The following JMJD1C variants were observed in gnomAD, a reference collection of about 807,000 sequenced individuals.
JMJD1C encodes the protein jumonji domain-containing protein 1C.
In JMJD1C, 31 loss-of-function variants were observed where a neutral mutation model predicts 245.3. That is an observed-to-expected ratio of 0.13 (90% confidence interval 0.09 to 0.17). The LOEUF (loss-of-function observed/expected upper bound fraction) is 0.17. Among genes scored for constraint, JMJD1C ranks in the 10% least tolerant of loss-of-function variants. The pLI is 1.00. For synonymous variants in JMJD1C, 1,057 were observed against 1,017.4 expected, an observed-to-expected ratio of 1.04 and a Z score of -0.74; for missense variants, 2,691 against 3,000.2, an observed-to-expected ratio of 0.90 and a Z score of 2.41.
chr10:63,326,543 C>T (rs969279186), intron 2 of JMJD1C, among the ~76,000 whole-genome samples: 5 of 151,872 alleles, frequency 3.3e-5, no homozygotes, highest in Non-Finnish European at 5.9e-5. Context: ...CTGGTGGAGG[C>T]GGAGAGGTGG....
chr10:63,216,697 G>T (rs985502772), intron 5 of JMJD1C, among the ~76,000 whole-genome samples: 1 of 151,622 alleles, frequency 6.6e-6, no homozygotes, highest in African/African-American at 2.4e-5. Context: ...GCGACAGAGC[G>T]AGACTCCAGC....
At chr10:63,483,371 G>A (rs1033580662) in intron 1 of JMJD1C, among the ~76,000 whole-genome samples, 2 of 152,128 alleles carry the variant, frequency 1.3e-5, no homozygotes, top group African/African-American at 4.8e-5. Context: ...CTTAGCCTTC[G>A]CACTAGTAAC....
chr10:63,239,361 G>A (rs1021764105), intron 3 of JMJD1C, among the ~76,000 whole-genome samples: 7 of 152,096 alleles, frequency 4.6e-5, no homozygotes, highest in African/African-American at 1.7e-4. Flanking sequence ...AGAAGGGACA[G>A]ATTAAGCAAA....
At chr10:63,464,097 A>G (rs932341658) in intron 1 of JMJD1C, among the ~76,000 whole-genome samples, 1 of 152,220 alleles carries the variant, frequency 6.6e-6, no homozygotes, top group African/African-American at 2.4e-5. Flanking sequence ...CACAAACAAA[A>G]ATAGTTACTG....
intron 3 of JMJD1C, among the ~76,000 whole-genome samples, chr10:63,245,288 T>C (rs965132898): frequency 6.6e-5 from 10 of 152,018 alleles, no homozygotes; most frequent in African/African-American, 2.4e-4. Flanking sequence ...GGCTGTATTA[T>C]TAGTCTGTTT....
At chr10:63,196,851 CA>C (rs1845514664) in intron 13 of JMJD1C, among the ~76,000 whole-genome samples, 2 of 152,158 alleles carry the variant, frequency 1.3e-5, no homozygotes, top group Admixed American at 1.3e-4. Flanking sequence ...GGCTGGAGTG[CA>C]ATGGGGCAAT....
intron 2 of JMJD1C, among the ~76,000 whole-genome samples, chr10:63,322,419 G>A (rs1469149131): frequency 2.6e-5 from 4 of 152,154 alleles, no homozygotes; most frequent in Non-Finnish European, 5.9e-5. Context: ...TTAGGTGGAA[G>A]GGACTCAGTA....
intron 3 of JMJD1C, among the ~76,000 whole-genome samples, chr10:63,261,571 A>G (rs918081892): frequency 1.7e-4 from 26 of 152,322 alleles, no homozygotes; most frequent in African/African-American, 3.8e-4. Flanking sequence ...ACAGAAAAAA[A>G]AAGAAGAAGA....
Position 63,207,137 on chromosome 10 carries a change from G to C in JMJD1C, c.4532C>G (p.Thr1511Arg), listed in dbSNP as rs762772056. 4.6e-5 allele frequency: 75 copies of C among 1,614,064 alleles called. No homozygotes were observed. The highest frequency in any genetic ancestry group is 1.3e-4 in the Admixed American group (8 of 59,998). ...ETEPNAIKNQ[T>R]LSASLPLDST... ...ATCCAGAGGAAGGGAGGCTGAAAGT[G>C]TCTGATTTTTTATAGCATTAGGTTC... Residue 1511 changes from threonine to arginine, a missense_variant, in exon 10 of 26, where the codon ACA (threonine) becomes AGA (arginine). Around this residue, in one of 9 missense-constraint regions of JMJD1C, gnomAD observed 1,562 missense variants for 1,490.7 expected, o/e 1.05. Coordinates refer to ENST00000399262, the MANE Select transcript of JMJD1C (RefSeq NM_032776.3).
intron 2 of JMJD1C, among the ~76,000 whole-genome samples, chr10:63,272,852 T>G (rs1856460455): frequency 6.6e-6 from 1 of 152,344 alleles, no homozygotes; most frequent in South Asian, 2.1e-4. Flanking sequence ...CTACACTATA[T>G]GATATAGACT....
chr10:63,506,665 G>C (rs1329748097), intron 1 of JMJD1C, among the ~76,000 whole-genome samples: 3 of 152,022 alleles, frequency 2.0e-5, no homozygotes, highest in African/African-American at 7.3e-5. Context: ...AAAGTACAGA[G>C]TTCCCATTTA....
At chr10:63,433,174 C>T (rs1439988032) in intron 1 of JMJD1C, among the ~76,000 whole-genome samples, 1 of 151,930 alleles carries the variant, frequency 6.6e-6, no homozygotes, top group East Asian at 1.9e-4. Flanking sequence ...TCACCACAAC[C>T]TCTGCCTCCC....
At chr10:63,395,023 A>C (rs1329665916) in intron 1 of JMJD1C, among the ~76,000 whole-genome samples, 1 of 152,216 alleles carries the variant, frequency 6.6e-6, no homozygotes, top group East Asian at 1.9e-4. Flanking sequence ...TCAATAAAAG[A>C]AAATTAATTC....
intron 1 of JMJD1C, among the ~76,000 whole-genome samples, chr10:63,462,597 TA>T (rs1952872018): frequency 2.0e-5 from 3 of 152,126 alleles, no homozygotes; most frequent in Non-Finnish European, 4.4e-5. Context: ...ACAGGGCACT[TA>T]CAAGTGTAAT....
chr10:63,261,302 G>A lies in JMJD1C; in HGVS notation c.447+3349C>T, dbSNP rs148398380. Among the ~76,000 whole-genome samples, 21 of 152,202 alleles carry A rather than the reference G, an allele frequency of 1.4e-4. No homozygotes were observed. The East Asian group carries it at 1.7e-3, about 13-fold the overall frequency. ...GTCACCCAAAAATCTGACCAGTGCC[G>A]GGCGCAGTGGCTCACAACTGTATTC... On this transcript the variant is annotated intron_variant, in intron 3 of 25. Coordinates refer to ENST00000399262, the MANE Select transcript of JMJD1C (RefSeq NM_032776.3).
At chr10:63,376,437 T>C (rs894744035) in intron 2 of JMJD1C, among the ~76,000 whole-genome samples, 3 of 152,052 alleles carry the variant, frequency 2.0e-5, no homozygotes, top group Non-Finnish European at 2.9e-5. Flanking sequence ...TTCATCAAAA[T>C]TTAAAACTTT....
At chr10:63,389,311 C>CAAAAAAAAAAAAAAAAA (rs1185397734) in intron 1 of JMJD1C, among the ~76,000 whole-genome samples, 1 of 64,642 alleles carries the variant, frequency 1.5e-5, no homozygotes, top group African/African-American at 7.2e-5. Context: ...GACCCTGTCT[C>CAAAAAAAAAAAAAAAAA]AAAAAAAAAA....
chr10:63,260,055 G>C (rs1427366886), intron 3 of JMJD1C, among the ~76,000 whole-genome samples: 1 of 151,962 alleles, frequency 6.6e-6, no homozygotes, highest in Non-Finnish European at 1.5e-5. Flanking sequence ...ACTTCTAATG[G>C]AATCATTCCT....
chr10:63,316,205 T>C (rs1298009442), intron 2 of JMJD1C, among the ~76,000 whole-genome samples: 1 of 152,208 alleles, frequency 6.6e-6, no homozygotes, highest in African/African-American at 2.4e-5. Flanking sequence ...TTTGTTGTTT[T>C]CATTTAGCAC....
Sources: gnomAD v4.1 joint callset for allele counts (sites outside exome capture counted in the v4.1 genomes callset) on GRCh38, gnomAD v4.1.1 for gene constraint, gnomAD v4.1.1 regional missense constraint, MANE v1.5 for transcripts, NCBI Gene and HGNC (gene_info 2026-07-23, HGNC 2026-07-21) for gene names.